Variants in TRIP12 observed in about 807,000 individuals in gnomAD.
The protein encoded by TRIP12 is E3 ubiquitin-protein ligase TRIP12.
TRIP12 carries 25 observed loss-of-function variants against 244.2 expected under a neutral mutation model. The observed-to-expected ratio is 0.10, with a 90% confidence interval of 0.07 to 0.14. The LOEUF (loss-of-function observed/expected upper bound fraction) is 0.14, where lower values mean the gene tolerates loss of function less well. Ranked by LOEUF, TRIP12 falls within the 10% of genes least tolerant of loss-of-function variation. The pLI, the probability that TRIP12 is intolerant of heterozygous loss-of-function variation, is 1.00. For missense variants in TRIP12, 1,677 were observed against 2,486.4 expected, an observed-to-expected ratio of 0.67 and a Z score of 6.92; for synonymous variants, 905 against 873.1, an observed-to-expected ratio of 1.04 and a Z score of -0.64.
chr2:229,897,313 A>T (rs994648888), intron 1 of TRIP12, among the ~76,000 whole-genome samples: 83 of 152,252 alleles, frequency 5.5e-4, no homozygotes, highest in Non-Finnish European at 8.8e-5. Flanking sequence ...AGTGGATTTT[A>T]AAACACTTCT....
At chr2:229,808,175 C>T in intron 16 of TRIP12, 77 bp downstream of exon 16, 2 of 1,059,122 alleles carry the variant, frequency 1.9e-6, no homozygotes, top group Non-Finnish European at 2.9e-6. Context: ...ATCATGTTGG[C>T]CAGGCTGGTC....
chr2:229,794,297 T>C (rs2042252363), intron 26 of TRIP12, among the ~76,000 whole-genome samples: 1 of 152,084 alleles, frequency 6.6e-6, no homozygotes, highest in Non-Finnish European at 1.5e-5. Context: ...CTAGGCTGAG[T>C]GTGGTGGCTC....
rs1575074199 is a variant in TRIP12, at chr2:229,793,060, C to T, written c.4054G>A (p.Ala1352Thr). ...CCACCCTTCCACTGCTTCACATTTG[C>T]ACAGTCTGGATGCCTTTGTAACTGG... ...KCQLQRHPDC[A>T]NVKQWKGGPV... Residue 1352 changes from alanine to threonine, a missense_variant, in exon 27 of 42, where the codon GCA (alanine) becomes ACA (threonine). By Grantham distance (58) the Ala-to-Thr change is moderately conservative. Around this residue, in one of 11 missense-constraint regions of TRIP12, gnomAD observed 265 missense variants for 370.8 expected, o/e 0.71. Transcript: ENST00000675903. The T allele has an allele frequency of 2.5e-6, 4 of 1,613,988 alleles. No individual in the cohort carries two copies. Among genetic ancestry groups the T allele is most frequent in the Non-Finnish European group, 3.4e-6 (4 of 1,179,948 alleles).
intron 1 of TRIP12, among the ~76,000 whole-genome samples, chr2:229,904,404 A>G (rs983716027): frequency 2.3e-5 from 3 of 132,084 alleles, no homozygotes; most frequent in African/African-American, 8.9e-5. Context: ...GGAAAGAGTG[A>G]GACTCCATCT....
intron 4 of TRIP12, among the ~76,000 whole-genome samples, chr2:229,850,080 G>T (rs115014412): frequency 2.4e-3 from 362 of 152,202 alleles, no homozygotes; most frequent in African/African-American, 8.4e-3. Context: ...CAGAATACAC[G>T]TAAGAATATA....
intron 3 of TRIP12, among the ~76,000 whole-genome samples, chr2:229,859,837 A>T (rs1017412347): frequency 2.0e-5 from 3 of 152,220 alleles, no homozygotes; most frequent in Non-Finnish European, 2.9e-5. Context: ...TAATCACAAA[A>T]CAAGAATTAA....
intron 20 of TRIP12, among the ~76,000 whole-genome samples, chr2:229,803,077 T>A (rs2044848290): frequency 6.6e-6 from 1 of 152,242 alleles, no homozygotes; most frequent in African/African-American, 2.4e-5. Context: ...TATCAGCTAG[T>A]ATAAACTATA....
At chr2:229,921,347 TA>T (rs961571753) in intron 1 of TRIP12, 3 of 152,874 alleles carry the variant, frequency 2.0e-5, no homozygotes, top group African/African-American at 7.2e-5. Flanking sequence ...AGCTGCTTCC[TA>T]GTTTCCATTT....
intron 9 of TRIP12, among the ~76,000 whole-genome samples, chr2:229,816,371 A>C (rs1559602759): frequency 6.6e-6 from 1 of 152,098 alleles, no homozygotes; most frequent in Non-Finnish European, 1.5e-5. Context: ...CAGTCACTTA[A>C]AACACTTAGT....
At chr2:229,805,426 G>T (rs1248933472) in intron 18 of TRIP12, among the ~76,000 whole-genome samples, 1 of 151,998 alleles carries the variant, frequency 6.6e-6, no homozygotes, top group African/African-American at 2.4e-5. Flanking sequence ...TACAAGGTTG[G>T]AAAGAACTAG....
chr2:229,816,936 GA>G (rs752905441), intron 9 of TRIP12, among the ~76,000 whole-genome samples: 8 of 152,174 alleles, frequency 5.3e-5, no homozygotes, highest in Non-Finnish European at 1.0e-4. Flanking sequence ...TTGCTATTAT[GA>G]AACACTCAGA....
intron 31 of TRIP12, among the ~76,000 whole-genome samples, chr2:229,789,401 G>C (rs183553181): frequency 1.7e-4 from 26 of 152,272 alleles, no homozygotes; most frequent in African/African-American, 4.8e-4. Flanking sequence ...TATTCCTAGA[G>C]AGAATTTTAC....
At chr2:229,828,341 T>G (rs2052323543) in intron 8 of TRIP12, among the ~76,000 whole-genome samples, 1 of 144,092 alleles carries the variant, frequency 6.9e-6, no homozygotes, top group South Asian at 2.3e-4. Flanking sequence ...AACAGTGATT[T>G]GTTTTTTTTT....
intron 2 of TRIP12, among the ~76,000 whole-genome samples, chr2:229,866,499 T>C (rs2061532035): frequency 6.6e-6 from 1 of 152,246 alleles, no homozygotes; most frequent in Admixed American, 6.5e-5. Flanking sequence ...CTAAACTGTG[T>C]GTAGGCAGGT....
chr2:229,919,414 TA>T (rs66542643), intron 1 of TRIP12, among the ~76,000 whole-genome samples: 102 of 146,278 alleles, frequency 7.0e-4, no homozygotes, highest in Admixed American at 8.9e-4. Flanking sequence ...GATTCTGCTT[TA>T]AAAAAAAAAA....
intron 7 of TRIP12, among the ~76,000 whole-genome samples, chr2:229,830,131 A>G (rs1189266741): frequency 1.3e-5 from 2 of 152,240 alleles, no homozygotes; most frequent in African/African-American, 4.8e-5. Flanking sequence ...ATCCATACAT[A>G]GTATTAGGCT....
At chr2:229,886,901 T>TA (rs1286913459) in intron 1 of TRIP12, among the ~76,000 whole-genome samples, 9 of 152,348 alleles carry the variant, frequency 5.9e-5, no homozygotes, top group Non-Finnish European at 8.8e-5. Context: ...CAATGTGCTT[T>TA]AAATCATTTA....
intron 1 of TRIP12, among the ~76,000 whole-genome samples, chr2:229,903,907 C>A (rs1293231639): frequency 1.3e-5 from 2 of 150,688 alleles, no homozygotes; most frequent in East Asian, 1.9e-4. Flanking sequence ...TCGTGATGCA[C>A]GCCTATAGTC....
intron 5 of TRIP12, among the ~76,000 whole-genome samples, chr2:229,837,671 G>A (rs1338244212): frequency 6.6e-6 from 1 of 152,100 alleles, no homozygotes; most frequent in Non-Finnish European, 1.5e-5. Context: ...AGAATGCGAG[G>A]AAGGGAGGAG....
Sources: allele counts gnomAD v4.1 joint callset (sites outside exome capture counted in the v4.1 genomes callset), GRCh38; gene constraint gnomAD v4.1.1; regional missense constraint gnomAD v4.1.1; transcripts MANE v1.5; gene names NCBI Gene and HGNC (gene_info 2026-07-23, HGNC 2026-07-21).